Variants in PCDHA6 observed in about 807,000 individuals in gnomAD.
PCDHA6 encodes protocadherin alpha 6, also known as protocadherin alpha-6.
PCDHA6 carries 55 observed loss-of-function variants against 60.3 expected under a neutral mutation model. The ratio of observed to expected loss-of-function variants is 0.91; its 90% CI spans 0.73 to 1.14. The LOEUF is 1.14. Ranked by LOEUF, PCDHA6 falls within the 50% of genes most tolerant of loss-of-function variation. The pLI, the probability that PCDHA6 is intolerant of heterozygous loss-of-function variation, is 0.00. For missense variants in PCDHA6, 1,327 were observed against 1,256.5 expected, an observed-to-expected ratio of 1.06 and a Z score of -0.85; for synonymous variants, 652 against 557.9, an observed-to-expected ratio of 1.17 and a Z score of -2.38.
intron 1 of PCDHA6, chr5:140,849,907 G>A (rs2150457051): frequency 1.3e-6 from 2 of 1,598,320 alleles, no homozygotes; most frequent in East Asian, 4.5e-5. Flanking sequence ...AACCCGCCGG[G>A]CTGCCACATC....
intron 1 of PCDHA6, chr5:140,850,295 C>G (rs2150478300): frequency 5.6e-6 from 9 of 1,596,420 alleles, no homozygotes; most frequent in Non-Finnish European, 7.7e-6. Flanking sequence ...TGGACGCCGA[C>G]TCGGGCTACA....
chr5:140,843,735 G>T (rs1554140393), intron 1 of PCDHA6: 1 of 1,548,324 alleles, frequency 6.5e-7, no homozygotes, highest in African/African-American at 1.4e-5. Context: ...TTTAAATTTA[G>T]AACTCATAAA....
intron 1 of PCDHA6, among the ~76,000 whole-genome samples, chr5:140,924,578 T>C (rs80037494): frequency 0.013 from 2,025 of 152,202 alleles, 55 homozygotes; most frequent in Admixed American, 0.052. Flanking sequence ...TTAAATGTTT[T>C]CAAATATTAT....
At chr5:140,893,204 G>A (rs1207669882) in intron 1 of PCDHA6, among the ~76,000 whole-genome samples, 1 of 152,244 alleles carries the variant, frequency 6.6e-6, no homozygotes, top group African/African-American at 2.4e-5. Context: ...GCTGCAGTAA[G>A]TATGGGAGGT....
chr5:140,997,380 C>T (rs1554255860), intron 3 of PCDHA6, among the ~76,000 whole-genome samples: 1 of 152,112 alleles, frequency 6.6e-6, no homozygotes. Flanking sequence ...ATATAGCATA[C>T]TACACACTTA....
intron 1 of PCDHA6, chr5:140,849,795 T>C (rs2150450595): frequency 6.3e-7 from 1 of 1,598,164 alleles, no homozygotes; most frequent in Non-Finnish European, 8.6e-7. Flanking sequence ...GGGCTCGCCT[T>C]CACTGTGGGC....
At chr5:140,871,089 C>T in intron 1 of PCDHA6, 1 of 1,613,254 alleles carries the variant, frequency 6.2e-7, no homozygotes, top group Non-Finnish European at 8.5e-7. Flanking sequence ...CGGCCACGGC[C>T]ACCGTGCTGG....
chr5:140,877,161 G>C (rs2056901330), intron 1 of PCDHA6: 1 of 1,613,828 alleles, frequency 6.2e-7, no homozygotes, highest in Non-Finnish European at 8.5e-7. Context: ...ACAACGCGCC[G>C]GCACTGCTGG....
chr5:140,830,545 C>A, intron 1 of PCDHA6, 60 bp downstream of exon 1: 1 of 1,153,858 alleles, frequency 8.7e-7, no homozygotes, highest in Non-Finnish European at 1.2e-6. Flanking sequence ...TTGTTTTCCT[C>A]ATATTTGTCT....
rs1316558090 is a variant in PCDHA6, at chr5:140,876,786, G to A, written c.2394+46301G>A. 4 of 1,614,114 alleles carry A rather than the reference G, an allele frequency of 2.5e-6. No individual in the cohort carries two copies. In the African/African-American group the frequency reaches 5.3e-5, roughly 22 times the overall value. ...GGGGCTCGCCTTCGCTGTGGGCCAC[G>A]GCTAGAGTGTCCGTGGAGGTGGCCG... is the stretch of plus-strand genomic sequence containing the variant. On this transcript the variant is annotated intron_variant, in intron 1 of 3. Transcript: ENST00000529310.
chr5:140,851,916 G>A, intron 1 of PCDHA6: 1 of 968,262 alleles, frequency 1.0e-6, no homozygotes, highest in Non-Finnish European at 1.2e-6. Flanking sequence ...GTCACTACAT[G>A]TTATGTTTCC....
At chr5:140,877,881 G>T (rs782565949) in intron 1 of PCDHA6, 73 of 1,468,602 alleles carry the variant, frequency 5.0e-5, no homozygotes, top group Non-Finnish European at 5.9e-5. Flanking sequence ...TTTCCTTGAA[G>T]AACTTCCGTT....
intron 1 of PCDHA6, chr5:140,871,198 C>A: frequency 6.2e-7 from 1 of 1,613,730 alleles, no homozygotes; most frequent in Non-Finnish European, 8.5e-7. Flanking sequence ...CAACGTGTAC[C>A]TGATCATCGC....
chr5:140,906,680 C>T (rs2072848945), intron 1 of PCDHA6, among the ~76,000 whole-genome samples: 2 of 152,166 alleles, frequency 1.3e-5, no homozygotes, highest in Admixed American at 6.5e-5. Context: ...AACCTTCATT[C>T]CTGAAGGATC....
chr5:140,972,479 C>G (rs782631191), intron 1 of PCDHA6, among the ~76,000 whole-genome samples: 1 of 151,994 alleles, frequency 6.6e-6, no homozygotes, highest in Non-Finnish European at 1.5e-5. Flanking sequence ...CAGCATTTAA[C>G]CCCAGACTCT....
At chr5:140,999,977 C>T (rs1554257051) in intron 3 of PCDHA6, among the ~76,000 whole-genome samples, 1 of 152,068 alleles carries the variant, frequency 6.6e-6, no homozygotes, top group Non-Finnish European at 1.5e-5. Flanking sequence ...GCAGCTCTAG[C>T]GGCCTCTGGG....
chr5:140,869,320 G>T, intron 1 of PCDHA6: 1 of 1,613,846 alleles, frequency 6.2e-7, no homozygotes, highest in Non-Finnish European at 8.5e-7. Context: ...AACACATGGG[G>T]ACCTTCTGGA....
chr5:140,910,976 A>G (rs1265082758), intron 1 of PCDHA6, among the ~76,000 whole-genome samples: 1 of 152,058 alleles, frequency 6.6e-6, no homozygotes, highest in Non-Finnish European at 1.5e-5. Context: ...CTCATGGGTT[A>G]TACTCTGAAC....
At chr5:140,873,336 C>A (rs1436932142) in intron 1 of PCDHA6, among the ~76,000 whole-genome samples, 1 of 152,168 alleles carries the variant, frequency 6.6e-6, no homozygotes, top group African/African-American at 2.4e-5. Flanking sequence ...ATACATTACT[C>A]ATCTCCAGAT....
Sources: gnomAD v4.1 joint callset for allele counts (sites outside exome capture counted in the v4.1 genomes callset) on GRCh38, gnomAD v4.1.1 for gene constraint, MANE v1.5 for transcripts, NCBI Gene and HGNC (gene_info 2026-07-23, HGNC 2026-07-21) for gene names.